NAA16: variants seen among roughly 807,000 people sequenced by gnomAD.
NAA16 encodes N-alpha-acetyltransferase 16, NatA auxiliary subunit, also known as NARG1-like protein.
In NAA16, 97 loss-of-function variants were observed where a neutral mutation model predicts 110.3. The ratio of observed to expected loss-of-function variants is 0.88; its 90% CI spans 0.75 to 1.04. NAA16 has a LOEUF of 1.04. Among genes scored for constraint, NAA16 ranks in the 50% least tolerant of loss-of-function variants. The pLI, the probability that NAA16 is intolerant of heterozygous loss-of-function variation, is 0.00. For missense variants in NAA16, 1,017 were observed against 1,005.1 expected (o/e 1.01, Z -0.16); for synonymous variants, 372 against 330.6 (o/e 1.13, Z -1.36).
chr13:41,342,428 G>A (rs996925505), intron 9 of NAA16, among the ~76,000 whole-genome samples: 3 of 152,140 alleles, frequency 2.0e-5, no homozygotes, highest in Admixed American at 6.5e-5. Flanking sequence ...GTGAACCATC[G>A]CGCCTGGCCC....
At chr13:41,328,666 C>T in intron 6 of NAA16, 58 bp from the exon 7 acceptor site, 1 of 1,425,402 alleles carries the variant, frequency 7.0e-7, no homozygotes, top group Non-Finnish European at 9.7e-7. Context: ...AGTGAAGTCC[C>T]TGGGGTCAGA....
chr13:41,325,145 G>A (rs1207358723), intron 5 of NAA16, among the ~76,000 whole-genome samples: 1 of 151,704 alleles, frequency 6.6e-6, no homozygotes, highest in Non-Finnish European at 1.5e-5. Flanking sequence ...TAGTAGAGAC[G>A]GGGTTTCACC....
chr13:41,322,438 A>G (rs1451513973), intron 4 of NAA16, among the ~76,000 whole-genome samples: 2 of 152,284 alleles, frequency 1.3e-5, no homozygotes, highest in East Asian at 3.9e-4. Context: ...GGAGAAAATC[A>G]TTAAAGATTA....
intron 9 of NAA16, among the ~76,000 whole-genome samples, chr13:41,338,468 C>T (rs1183926985): frequency 6.6e-6 from 1 of 152,094 alleles, no homozygotes; most frequent in African/African-American, 2.4e-5. Flanking sequence ...CTAATTCATA[C>T]AGGAACCATC....
intron 3 of NAA16, 28 bp from the exon 4 acceptor site, chr13:41,320,639 G>GT: frequency 6.4e-7 from 1 of 1,565,026 alleles, no homozygotes. Flanking sequence ...TAGTGTCTGT[G>GT]TATGTCTTTG....
chr13:41,339,851 G>GC (rs2042488732), intron 9 of NAA16, among the ~76,000 whole-genome samples: 1 of 152,144 alleles, frequency 6.6e-6, no homozygotes, highest in Non-Finnish European at 1.5e-5. Flanking sequence ...GAGCCACTGT[G>GC]CCCGACTAAG....
chr13:41,365,393 A>G (rs1390580706), intron 13 of NAA16, among the ~76,000 whole-genome samples: 1 of 152,158 alleles, frequency 6.6e-6, no homozygotes, highest in Non-Finnish European at 1.5e-5. Flanking sequence ...AACTGAGGGA[A>G]GGGTATACAG....
rs114422643 is a variant in NAA16, at chr13:41,332,486, G to C, written c.907+1117G>C. On this transcript the variant is annotated intron_variant, in intron 8 of 19. Transcript: ENST00000379406. ...TATGTAGCTGAACTCATTTACTTTT[G>C]AGCTACATAGGACGTAGACAGTATA... Among the ~76,000 whole-genome samples the C allele has an allele frequency of 2.4e-3, 367 of 152,172 alleles. 1 individual carries two copies. Among genetic ancestry groups the C allele is most frequent in the African/African-American group, 8.5e-3 (355 of 41,522 alleles).
Position 41,325,708 on chromosome 13 carries a change from A to T in NAA16, c.548A>T (p.Asn183Ile). ...EFRQTQQVPP[N>I]KIDYEYSELI... ...GTCATTTTTTTTCAGGTTCCTCCAA[A>T]CAAAATAGATTATGAATATAGTGAA... The change falls in exon 6 of 20, where the codon AAC becomes ATC. Residue 183 changes from asparagine (N) to isoleucine (I), a missense_variant. Coordinates refer to ENST00000379406, the MANE Select transcript of NAA16 (RefSeq NM_024561.5). The T allele has an allele frequency of 6.3e-7, 1 of 1,575,278 alleles. No individual in the cohort carries two copies. The highest frequency in any genetic ancestry group is 1.2e-5 in the South Asian group (1 of 84,456).
At chr13:41,362,297 C>A in intron 13 of NAA16, 138 bp downstream of exon 13, 1 of 810,382 alleles carries the variant, frequency 1.2e-6, no homozygotes, top group Non-Finnish European at 1.8e-6. Flanking sequence ...TTAACCTTTA[C>A]ATTCAGAAGT....
chr13:41,350,747 A>G (rs2042815309), intron 9 of NAA16, among the ~76,000 whole-genome samples: 2 of 151,392 alleles, frequency 1.3e-5, no homozygotes, highest in South Asian at 2.1e-4. Flanking sequence ...TAGCCTCCCA[A>G]GTAGCTGGGA....
intron 2 of NAA16, among the ~76,000 whole-genome samples, 169 bp downstream of exon 2, chr13:41,317,099 A>G (rs937539459): frequency 6.6e-6 from 1 of 152,028 alleles, no homozygotes; most frequent in African/African-American, 2.4e-5. Flanking sequence ...GATTACCTGT[A>G]TTATCCTTAA....
rs1366259991 is a variant in NAA16, at chr13:41,322,076, T to C, written c.403-980T>C. ...GCAAAACAATGGCTGCTAAAGTGGATTGTGAAGTAAATTAAGTTAAAAGAG... is the reference window on the plus strand; with the variant it reads ...GCAAAACAATGGCTGCTAAAGTGGACTGTGAAGTAAATTAAGTTAAAAGAG... On this transcript the variant is annotated intron_variant, in intron 4 of 19. Transcript: ENST00000379406. Among the ~76,000 whole-genome samples the C allele has an allele frequency of 2.6e-5, 4 of 152,048 alleles. No individual in the cohort carries two copies. The East Asian group carries it at 7.7e-4, about 29-fold the overall frequency.
At chr13:41,365,020 T>G (rs1007096198) in intron 13 of NAA16, among the ~76,000 whole-genome samples, 2 of 152,188 alleles carry the variant, frequency 1.3e-5, no homozygotes, top group African/African-American at 2.4e-5. Flanking sequence ...CGGCTTTTCT[T>G]AATTCTTGCT....
chr13:41,362,894 G>C (rs1176997535), intron 13 of NAA16: 1 of 1,181,262 alleles, frequency 8.5e-7, no homozygotes, highest in Non-Finnish European at 1.1e-6. Context: ...TGTCTGCACC[G>C]TGGCAGTCAC....
chr13:41,316,881 C>T lies in NAA16; in HGVS notation c.90C>T (p.Leu30=), dbSNP rs2041824007. 5 of 1,613,668 alleles carry T rather than the reference C, an allele frequency of 3.1e-6. No homozygotes were observed. Among genetic ancestry groups the T allele is most frequent in the Non-Finnish European group, 4.2e-6 (5 of 1,179,724 alleles). ...AACAGAAGCAGTACAAAAATGGCCTCAAGTTTTGCAAGATGATTCTGTCGA... is the reference window on the plus strand; with the variant it reads ...AACAGAAGCAGTACAAAAATGGCCTTAAGTTTTGCAAGATGATTCTGTCGA... The part of the protein sequence containing the change: ...CYEQKQYKNG[L]KFCKMILSNP... The change falls in exon 2 of 20, where the codon CTC becomes CTT. Residue 30 remains leucine, a synonymous_variant. Coordinates refer to ENST00000379406, the MANE Select transcript of NAA16 (RefSeq NM_024561.5).
At chr13:41,374,011 A>T (rs1003414959) in intron 18 of NAA16, 1 of 475,548 alleles carries the variant, frequency 2.1e-6, no homozygotes, top group South Asian at 5.5e-5. Flanking sequence ...TAACGGGCAA[A>T]TACTTTTATA....
chr13:41,322,565 A>T (rs1019858827), intron 4 of NAA16, among the ~76,000 whole-genome samples: 1 of 152,172 alleles, frequency 6.6e-6, no homozygotes, highest in Non-Finnish European at 1.5e-5. Flanking sequence ...AGACTTTAAT[A>T]AAGGATTTGG....
chr13:41,328,957 A>G (rs543078678), intron 7 of NAA16, 114 bp downstream of exon 7: 401 of 872,698 alleles, frequency 4.6e-4, no homozygotes, highest in Non-Finnish European at 6.6e-4. Context: ...TCATTTTTCC[A>G]TTTAGTAAAA....
Sources: allele counts gnomAD v4.1 joint callset (sites outside exome capture counted in the v4.1 genomes callset), GRCh38; gene constraint gnomAD v4.1.1; transcripts MANE v1.5; gene names NCBI Gene and HGNC (gene_info 2026-07-23, HGNC 2026-07-21).